The following ERICH5 variants were observed in gnomAD, a reference collection of about 807,000 sequenced individuals.
The protein encoded by ERICH5 is glutamate-rich protein 5.
A neutral mutation model predicts 28.0 loss-of-function variants in ERICH5; 24 were observed. The observed-to-expected ratio is 0.86, with a 90% CI of 0.62 to 1.21. ERICH5 has a LOEUF of 1.21. ERICH5 is among the 50% of genes most tolerant of loss of function. The pLI, the probability that ERICH5 is intolerant of heterozygous loss-of-function variation, is 0.00. For missense variants in ERICH5, 421 were observed against 441.2 expected, an observed-to-expected ratio of 0.95 and a Z score of 0.41; for synonymous variants, 163 against 157.6, an observed-to-expected ratio of 1.03 and a Z score of -0.25.
intron 2 of ERICH5, among the ~76,000 whole-genome samples, chr8:98,091,963 T>TCCCC (rs1563759758): frequency 5.0e-5 from 4 of 79,524 alleles, no homozygotes; most frequent in African/African-American, 1.3e-4. Flanking sequence ...TTTCTTTCTT[T>TCCCC]TTTCTTTCTT....
intron 1 of ERICH5, among the ~76,000 whole-genome samples, chr8:98,082,602 A>T (rs1815203321): frequency 6.7e-6 from 1 of 149,650 alleles, no homozygotes; most frequent in Admixed American, 6.8e-5. Context: ...CCAAGATCAC[A>T]CCATTGCACT....
chr8:98,085,220 A>G (rs1259079006), intron 1 of ERICH5, among the ~76,000 whole-genome samples: 1 of 120,370 alleles, frequency 8.3e-6, no homozygotes, highest in Non-Finnish European at 1.6e-5. Context: ...GAGTGCAGTG[A>G]CGCGATCTCG....
At chr8:98,093,096 C>T in intron 2 of ERICH5, 125 bp from the exon 3 acceptor site, 2 of 604,554 alleles carry the variant, frequency 3.3e-6, no homozygotes, top group Non-Finnish European at 5.8e-6. Flanking sequence ...TTCTTGATAC[C>T]CCCAGAGAAA....
intron 1 of ERICH5, among the ~76,000 whole-genome samples, chr8:98,082,883 A>G (rs570088050): frequency 6.6e-6 from 1 of 152,290 alleles, no homozygotes; most frequent in Non-Finnish European, 1.5e-5. Context: ...CAACGACAAT[A>G]AAAGAATGAA....
At chr8:98,075,665 A>G (rs1279142431) in intron 1 of ERICH5, among the ~76,000 whole-genome samples, 1 of 151,934 alleles carries the variant, frequency 6.6e-6, no homozygotes, top group Non-Finnish European at 1.5e-5. Flanking sequence ...GGGTGCACAG[A>G]GCCCCCACGC....
At chr8:98,082,226 T>C (rs189988215) in intron 1 of ERICH5, among the ~76,000 whole-genome samples, 3 of 152,352 alleles carry the variant, frequency 2.0e-5, no homozygotes, top group Non-Finnish European at 4.4e-5. Context: ...AAAAAAAATA[T>C]TAAAAGACAA....
At chr8:98,069,522 T>G (rs1239271011) in intron 1 of ERICH5, among the ~76,000 whole-genome samples, 1 of 152,214 alleles carries the variant, frequency 6.6e-6, no homozygotes, top group African/African-American at 2.4e-5. Context: ...ATGGAGATTT[T>G]TCCACATTTA....
intron 2 of ERICH5, among the ~76,000 whole-genome samples, chr8:98,091,868 C>CTTTCTT (rs1466513665): frequency 4.5e-5 from 4 of 89,776 alleles, no homozygotes; most frequent in Non-Finnish European, 9.0e-5. Context: ...TTCTTTCTTT[C>CTTTCTT]TTTCTTTCTT....
chr8:98,085,826 A>G (rs898263569), intron 1 of ERICH5, among the ~76,000 whole-genome samples: 1 of 152,052 alleles, frequency 6.6e-6, no homozygotes, highest in Non-Finnish European at 1.5e-5. Context: ...GGGCTCGCAA[A>G]CTATCTCAGC....
chr8:98,081,734 C>G (rs1815186134), intron 1 of ERICH5, among the ~76,000 whole-genome samples: 1 of 152,096 alleles, frequency 6.6e-6, no homozygotes, highest in South Asian at 2.1e-4. Context: ...TCAAGACCAG[C>G]CTGAACAACA....
In ERICH5 at chr8:98,091,900, C is replaced by CCTTTCTTTCTTTCTTTCTTTCTTT. The variant is rs74202034; in HGVS notation, c.1013-1302_1013-1301insTCTTTCTTTCTTTCTTTCTTTCTT. The stretch of plus-strand genomic sequence containing the variant: ...TCTTTCTTTCTTTCTTTCTTTCTTT[C>CCTTTCTTTCTTTCTTTCTTTCTTT]CTTTCTTTCTTTCTTTCTTCCTTTC... On this transcript the variant is annotated intron_variant, in intron 2 of 2. Coordinates refer to ENST00000318528, the MANE Select transcript of ERICH5 (RefSeq NM_173549.3). Among the ~76,000 whole-genome samples, 42 of 74,698 alleles carry CCTTTCTTTCTTTCTTTCTTTCTTT rather than the reference C, an allele frequency of 5.6e-4. 1 individual carries two copies. Among genetic ancestry groups the CCTTTCTTTCTTTCTTTCTTTCTTT allele is most frequent in the South Asian group, 1.8e-3 (4 of 2,180 alleles). The allele number at this position is 74,698 out of a possible 152,430, so 49.0% of individuals were successfully genotyped here.
chr8:98,075,753 T>C (rs1238479178), intron 1 of ERICH5, among the ~76,000 whole-genome samples: 1 of 139,258 alleles, frequency 7.2e-6, no homozygotes, highest in African/African-American at 2.5e-5. Flanking sequence ...ACACAGTTGC[T>C]AACTGCTAAC....
At chr8:98,075,533 A>AT (rs1170355053) in intron 1 of ERICH5, among the ~76,000 whole-genome samples, 1 of 152,130 alleles carries the variant, frequency 6.6e-6, no homozygotes, top group African/African-American at 2.4e-5. Flanking sequence ...AACTGAAGTC[A>AT]TCTGAATTGC....
chr8:98,065,539 T>C (rs534239635), intron 1 of ERICH5, among the ~76,000 whole-genome samples: 11 of 152,302 alleles, frequency 7.2e-5, no homozygotes, highest in East Asian at 1.9e-4. Context: ...TTTGTAGAGA[T>C]TGAAGATAGA....
chr8:98,070,413 T>A (rs1483553378), intron 1 of ERICH5, among the ~76,000 whole-genome samples: 2 of 149,738 alleles, frequency 1.3e-5, no homozygotes, highest in African/African-American at 2.5e-5. Flanking sequence ...TCCCAGCACT[T>A]TGGGAGGCTA....
intron 1 of ERICH5, among the ~76,000 whole-genome samples, chr8:98,072,077 C>T (rs972916219): frequency 2.6e-5 from 4 of 151,886 alleles, no homozygotes; most frequent in African/African-American, 4.8e-5. Context: ...CAGCTAAAAC[C>T]CCCTAGGAAT....
chr8:98,091,912 T>TC (rs61623193), intron 2 of ERICH5, among the ~76,000 whole-genome samples: 2 of 96,308 alleles, frequency 2.1e-5, no homozygotes, highest in African/African-American at 8.8e-5. Context: ...TTTCTTTCTT[T>TC]CTTTCTTCCT....
At chr8:98,083,895 T>G (rs1295288296) in intron 1 of ERICH5, among the ~76,000 whole-genome samples, 1 of 152,038 alleles carries the variant, frequency 6.6e-6, no homozygotes, top group Non-Finnish European at 1.5e-5. Flanking sequence ...GAACACATAT[T>G]TTTAGAGACA....
In ERICH5 at chr8:98,089,607, T is replaced by G. The variant is rs1411536614; in HGVS notation, c.590T>G (p.Leu197Arg). Residue 197 changes from leucine to arginine, a missense_variant, in exon 2 of 3, where the codon CTG (leucine) becomes CGG (arginine). Physicochemically the swap from Leu to Arg is moderately radical, Grantham distance 102 (BLOSUM62 -2). Transcript: ENST00000318528. ...GGAACAACTGAGAACGTTCTGACTCTGCAAATAGCTGGAGAGCTACAACCT... is the reference window on the plus strand; with the variant it reads ...GGAACAACTGAGAACGTTCTGACTCGGCAAATAGCTGGAGAGCTACAACCT... ...PLGTTENVLT[L>R]QIAGELQPQG... is the part of the protein sequence containing the mutation. The G allele has an allele frequency of 1.2e-6, 2 of 1,614,138 alleles. No individual in the cohort carries two copies. The highest frequency in any genetic ancestry group is 4.5e-5 in the East Asian group (2 of 44,872).
Sources: allele counts gnomAD v4.1 joint callset (sites outside exome capture counted in the v4.1 genomes callset), GRCh38; gene constraint gnomAD v4.1.1; transcripts MANE v1.5; gene names NCBI Gene and HGNC (gene_info 2026-07-23, HGNC 2026-07-21).